Variants in EAPP observed in about 807,000 individuals in gnomAD.
The protein encoded by EAPP is E2F associated phosphoprotein.
Under a neutral mutation model 34.3 loss-of-function variants are expected in EAPP, and 38 were observed. That is an observed-to-expected ratio of 1.11 (90% confidence interval 0.85 to 1.45). EAPP has a LOEUF of 1.45. EAPP is among the 40% of genes most tolerant of loss of function. The pLI is 0.00. For missense variants in EAPP, 338 were observed against 343.7 expected (o/e 0.98, Z 0.13); for synonymous variants, 113 against 117.6 (o/e 0.96, Z 0.25).
chr14:34,536,458 A>ATTTTTTTTTTTTTTTTTTTTT (rs5807779), intron 1 of EAPP, 183 bp from the exon 2 acceptor site: 1 of 126,138 alleles, frequency 7.9e-6, no homozygotes, highest in Non-Finnish European at 1.3e-5. Flanking sequence ...ATCTTCTTTA[A>ATTTTTTTTTTTTTTTTTTTTT]TTTTTTTTTT....
intron 5 of EAPP, among the ~76,000 whole-genome samples, chr14:34,522,446 T>A (rs1879949172): frequency 6.6e-6 from 1 of 152,158 alleles, no homozygotes; most frequent in Admixed American, 6.6e-5. Flanking sequence ...TTTTGTCCAT[T>A]TGAAGAGGTC....
chr14:34,518,545 C>T (rs1164121784), intron 5 of EAPP, among the ~76,000 whole-genome samples: 1 of 152,002 alleles, frequency 6.6e-6, no homozygotes, highest in Admixed American at 6.6e-5. Context: ...GTTGGCCAGG[C>T]TGGTCTCAAT....
In EAPP at chr14:34,529,420, T is replaced by C. The variant is rs1940300806; in HGVS notation, c.408A>G (p.Glu136=). 2 of 1,613,650 alleles carry C rather than the reference T, an allele frequency of 1.2e-6. No homozygotes were observed. Among genetic ancestry groups the C allele is most frequent in the Non-Finnish European group, 8.5e-7 (1 of 1,179,942 alleles). Residue 136 remains glutamate (E), a synonymous_variant, in exon 4 of 6, where the codon GAA becomes GAG. Transcript: ENST00000250454. ...TATCTTTTTCAGGATCATACAGTAA[T>C]TCGTCATTTGTTGGAATCTTGTGTT... ...KKQHKIPTND[E]LLYDPEKDNR...
intron 3 of EAPP, among the ~76,000 whole-genome samples, chr14:34,532,360 G>A (rs1293274097): frequency 6.6e-6 from 1 of 151,944 alleles, no homozygotes; most frequent in South Asian, 2.1e-4. Flanking sequence ...TCAAGAGGCT[G>A]AGGCAGGAAA....
chr14:34,537,826 C>G (rs1880525608), intron 1 of EAPP, among the ~76,000 whole-genome samples: 1 of 152,154 alleles, frequency 6.6e-6, no homozygotes, highest in Non-Finnish European at 1.5e-5. Context: ...TTATCTTTGA[C>G]CCAGGAGTCT....
chr14:34,516,932 G>A (rs1273862026), intron 5 of EAPP, among the ~76,000 whole-genome samples: 6 of 127,696 alleles, frequency 4.7e-5, no homozygotes, highest in African/African-American at 1.2e-4. Flanking sequence ...TCTGCTTTTT[G>A]AAAGTAACTT....
At chr14:34,527,928 T>A (rs1880147023) in intron 4 of EAPP, among the ~76,000 whole-genome samples, 1 of 152,194 alleles carries the variant, frequency 6.6e-6, no homozygotes, top group South Asian at 2.1e-4. Flanking sequence ...CACTAAATTG[T>A]TCACTTTTAA....
chr14:34,528,061 T>TTTTG (rs1880152805), intron 4 of EAPP, among the ~76,000 whole-genome samples: 1 of 151,464 alleles, frequency 6.6e-6, no homozygotes, highest in Non-Finnish European at 1.5e-5. Flanking sequence ...TTTTTTTTTT[T>TTTTG]GAGACAGTCT....
chr14:34,520,139 A>T (rs1294619379), intron 5 of EAPP, among the ~76,000 whole-genome samples: 1 of 147,384 alleles, frequency 6.8e-6, no homozygotes, highest in Non-Finnish European at 1.5e-5. Flanking sequence ...CACCTGCCTC[A>T]GCCTCCCAAA....
intron 4 of EAPP, among the ~76,000 whole-genome samples, chr14:34,525,576 G>C (rs1435731408): frequency 6.6e-6 from 1 of 152,072 alleles, no homozygotes; most frequent in Non-Finnish European, 1.5e-5. Context: ...TGAAAACAAG[G>C]AAAGTCTAAG....
chr14:34,524,555 G>T, intron 5 of EAPP, 142 bp downstream of exon 5: 1 of 630,722 alleles, frequency 1.6e-6, no homozygotes, highest in Non-Finnish European at 2.8e-6. Flanking sequence ...GGCGGAGGTT[G>T]CAGTGAGGCG....
intron 2 of EAPP, chr14:34,535,838 A>T (rs1880454402): frequency 9.3e-6 from 3 of 323,932 alleles, no homozygotes; most frequent in Non-Finnish European, 1.1e-5. Flanking sequence ...TTTAGGCTAC[A>T]GTGAGCTATG....
In EAPP at chr14:34,538,912, C is replaced by T. The variant is rs1566453090; in HGVS notation, c.74+643G>A. On this transcript the variant is annotated intron_variant, in intron 1 of 5. Transcript: ENST00000250454. ...GAAATCCCACGAACCTTCTTCTGTG[C>T]CTATCTCAGGTCAATATTCTCTACA... Among the ~76,000 whole-genome samples, 3 of 152,296 alleles carry T rather than the reference C, an allele frequency of 2.0e-5. No individual in the cohort carries two copies. In the East Asian group the frequency reaches 5.8e-4, roughly 29 times the overall value.
At chr14:34,519,427 T>A (rs543775467) in intron 5 of EAPP, among the ~76,000 whole-genome samples, 117 of 151,808 alleles carry the variant, frequency 7.7e-4, no homozygotes, top group Non-Finnish European at 1.5e-3. Context: ...CCCAGCTACT[T>A]GGGAGACTGA....
At chr14:34,524,609 C>G in intron 5 of EAPP, 88 bp downstream of exon 5, 1 of 1,033,324 alleles carries the variant, frequency 9.7e-7, no homozygotes, top group Non-Finnish European at 1.4e-6. Flanking sequence ...GAGTAAGACT[C>G]TGACTTCAAA....
chr14:34,535,868 G>A (rs1285187350), intron 2 of EAPP: 1 of 425,530 alleles, frequency 2.4e-6, no homozygotes, highest in Admixed American at 4.5e-5. Context: ...CTGCACTCCA[G>A]CCTGGGTAAC....
At chr14:34,523,786 G>A (rs1462407603) in intron 5 of EAPP, among the ~76,000 whole-genome samples, 1 of 151,842 alleles carries the variant, frequency 6.6e-6, no homozygotes, top group Non-Finnish European at 1.5e-5. Flanking sequence ...TCAAGTGATC[G>A]CCTTAGCCTC....
intron 1 of EAPP, among the ~76,000 whole-genome samples, chr14:34,539,008 C>T (rs78004310): frequency 0.021 from 3,246 of 152,138 alleles, 105 homozygotes; most frequent in African/African-American, 0.069. Flanking sequence ...AAGACAAGGA[C>T]CTTATGATTT....
chr14:34,529,267 A>T, intron 4 of EAPP, 91 bp downstream of exon 4: 1 of 942,492 alleles, frequency 1.1e-6, no homozygotes, highest in Non-Finnish European at 1.6e-6. Context: ...TTGTGTAAAC[A>T]TATACACATA....
Sources: gnomAD v4.1 joint callset for allele counts (sites outside exome capture counted in the v4.1 genomes callset) on GRCh38, gnomAD v4.1.1 for gene constraint, MANE v1.5 for transcripts, NCBI Gene and HGNC (gene_info 2026-07-23, HGNC 2026-07-21) for gene names.